The following KIF7 variants were observed in gnomAD, a reference collection of about 807,000 sequenced individuals.
KIF7 encodes kinesin family member 7.
KIF7 carries 104 observed loss-of-function variants against 135.7 expected under a neutral mutation model. The observed-to-expected ratio is 0.77, with a 90% CI of 0.65 to 0.90. The LOEUF is 0.90. Ranked by LOEUF, KIF7 falls within the 40% of genes least tolerant of loss-of-function variation. The probability of loss-of-function intolerance (pLI) is 0.00; values close to 1 mark genes in which losing one functional copy is unlikely to be tolerated. For synonymous variants in KIF7, 883 were observed against 809.4 expected (o/e 1.09, Z -1.54); for missense variants, 2,005 against 1,839.1 (o/e 1.09, Z -1.65).
intron 11 of KIF7, among the ~76,000 whole-genome samples, chr15:89,634,485 C>T (rs1963759656): frequency 1.3e-5 from 2 of 152,160 alleles, no homozygotes; most frequent in South Asian, 2.1e-4. Context: ...GTGCGCGAGC[C>T]GAAGCAGGGC....
chr15:89,620,677 C>G (rs968490035), intron 1 of KIF7, among the ~76,000 whole-genome samples: 2 of 151,970 alleles, frequency 1.3e-5, no homozygotes, highest in African/African-American at 4.8e-5. Flanking sequence ...AAATTGTTGC[C>G]TTCTTTCTTT....
At chr15:89,627,519 G>C (rs764429332), downstream of KIF7, 1 of 174,188 alleles carries the variant, frequency 5.7e-6, no homozygotes, top group Admixed American at 5.8e-5. Flanking sequence ...AGCCATATAC[G>C]TGAAACTGAA....
At position 89,619,221 on chromosome 15, in the gene KIF7, C is replaced by CTTTTTTTTT. The variant is rs386383750; in HGVS notation, c.181-1035_181-1027dup. 6.1e-4 allele frequency among the ~76,000 whole-genome samples: 68 copies of CTTTTTTTTT among 111,974 alleles called. 2 individuals are homozygous for CTTTTTTTTT. Among genetic ancestry groups the CTTTTTTTTT allele is most frequent in the African/African-American group, 1.7e-3 (47 of 28,476 alleles). The allele number at this position is 111,974 out of a possible 152,430, so 73.5% of individuals were successfully genotyped here. The stretch of plus-strand genomic sequence containing the variant: ...CTTGTTTTCGCCCTACACCATTCTT[C>CTTTTTTTTT]TTTTTTTTTTTTTTTTTTTGGTGAG... On this transcript the variant is annotated intron_variant and NMD_transcript_variant, in intron 1 of 2. Transcript: ENST00000558928.
chr15:89,620,954 T>C (rs4932237), intron 1 of KIF7, among the ~76,000 whole-genome samples: 137,624 of 152,052 alleles, frequency 0.91, 62,569 homozygotes, highest in African/African-American at 0.96. Flanking sequence ...GATCTCCGAC[T>C]TAGTGATCTG....
downstream of KIF7, chr15:89,627,135 G>C: frequency 6.2e-7 from 1 of 1,607,476 alleles, no homozygotes; most frequent in Non-Finnish European, 8.5e-7. Flanking sequence ...CCAGGACCCT[G>C]TGGACATAAA....
At chr15:89,632,074 A>T (rs1427270328) in intron 14 of KIF7, among the ~76,000 whole-genome samples, 1 of 152,214 alleles carries the variant, frequency 6.6e-6, no homozygotes, top group Non-Finnish European at 1.5e-5. Flanking sequence ...TGGGAGCCAG[A>T]TGCGGGAGGA....
downstream of KIF7, chr15:89,624,420 G>T (rs1164473752): frequency 1.9e-6 from 3 of 1,614,042 alleles, no homozygotes; most frequent in East Asian, 6.7e-5. Flanking sequence ...GAGCTACATT[G>T]GACACCGTCC....
downstream of KIF7, chr15:89,625,664 G>C (rs141989878): frequency 1.9e-6 from 3 of 1,613,642 alleles, no homozygotes; most frequent in African/African-American, 4.0e-5. Context: ...GAAGCTGACC[G>C]TGGAGCCAAA....
chr15:89,625,910 G>C (rs1963514625), downstream of KIF7: 2 of 1,548,530 alleles, frequency 1.3e-6, no homozygotes, highest in Admixed American at 4.1e-5. Context: ...TGGGGACGCT[G>C]CTCTTACTAT....
intron 11 of KIF7, among the ~76,000 whole-genome samples, chr15:89,634,150 T>C (rs1212935628): frequency 6.6e-6 from 1 of 152,018 alleles, no homozygotes; most frequent in African/African-American, 2.4e-5. Flanking sequence ...AATACAAAAA[T>C]TAGCTGGGTT....
chr15:89,640,173 G>A (rs1268740924), intron 11 of KIF7, among the ~76,000 whole-genome samples: 1 of 151,826 alleles, frequency 6.6e-6, no homozygotes, highest in Admixed American at 6.6e-5. Flanking sequence ...GGATAGCACT[G>A]GGAGATATAC....
At chr15:89,646,809 C>A in intron 7 of KIF7, 21 bp downstream of exon 7, 1 of 1,611,372 alleles carries the variant, frequency 6.2e-7, no homozygotes, top group South Asian at 1.1e-5. Flanking sequence ...CCACAGACAC[C>A]CAGCCTCACC....
intron 1 of KIF7, among the ~76,000 whole-genome samples, chr15:89,620,219 C>A (rs1310585453): frequency 6.6e-6 from 1 of 152,046 alleles, no homozygotes; most frequent in Non-Finnish European, 1.5e-5. Flanking sequence ...CTTATTTTAT[C>A]TTTTTTTGAG....
chr15:89,624,381 T>TC (rs771673546), downstream of KIF7: 1 of 1,613,974 alleles, frequency 6.2e-7, no homozygotes, highest in African/African-American at 1.3e-5. Flanking sequence ...CCTGCCCTGT[T>TC]CCCTCAACTC....
intron 2 of KIF7, chr15:89,618,018 G>A: frequency 2.3e-6 from 2 of 885,148 alleles, no homozygotes. Context: ...TCACGTATGA[G>A]AGCCCTTTAC....
At chr15:89,648,220 C>CCCAGAA (rs1567066976) in intron 5 of KIF7, 35 bp downstream of exon 5, 1 of 1,479,624 alleles carries the variant, frequency 6.8e-7, no homozygotes, top group East Asian at 2.6e-5. Flanking sequence ...CTCCCCACTG[C>CCCAGAA]CCACAACCAC....
chr15:89,624,526 C>T, downstream of KIF7: 1 of 1,614,068 alleles, frequency 6.2e-7, no homozygotes, highest in Non-Finnish European at 8.5e-7. Flanking sequence ...CTCCGCTACT[C>T]CTGGGGTTGG....
At position 89,633,727 on chromosome 15, in the gene KIF7, G is replaced by C; in HGVS notation, c.2551C>G (p.Arg851Gly). The C allele has an allele frequency of 6.2e-7, 1 of 1,608,396 alleles. No individual in the cohort carries two copies. The highest frequency in any genetic ancestry group is 8.5e-7 in the Non-Finnish European group (1 of 1,179,844). The change falls in exon 12 of 19, where the codon CGC (arginine) becomes GGC (glycine). Residue 851 changes from arginine (R) to glycine (G), a missense_variant. Coordinates refer to ENST00000394412, the MANE Select transcript of KIF7 (RefSeq NM_198525.3). ...RLREETEQKR[R>G]LEAEMSKRQH... The stretch of plus-strand genomic sequence containing the variant: ...CGCTTGCTCATTTCTGCCTCCAGGC[G>C]CCGCTTCTGCTCCGTCTCCTCGCGA...
downstream of KIF7, chr15:89,627,048 C>G (rs962028959): frequency 3.1e-6 from 5 of 1,614,126 alleles, no homozygotes; most frequent in Non-Finnish European, 4.2e-6. Context: ...AACTTATACA[C>G]GGAAGAAGCT....
Sources: gnomAD v4.1 joint callset for allele counts (sites outside exome capture counted in the v4.1 genomes callset) on GRCh38, gnomAD v4.1.1 for gene constraint, MANE v1.5 for transcripts, NCBI Gene and HGNC (gene_info 2026-07-23, HGNC 2026-07-21) for gene names.